The following SLC2A9 variants were observed in gnomAD, a reference collection of about 807,000 sequenced individuals.
The protein encoded by SLC2A9 is solute carrier family 2 member 9.
Under a neutral mutation model 50.6 loss-of-function variants are expected in SLC2A9, and 39 were observed. The observed-to-expected ratio is 0.77, with a 90% CI of 0.60 to 1.01. The LOEUF (loss-of-function observed/expected upper bound fraction) is 1.01. SLC2A9 is among the 50% of genes least tolerant of loss of function. The pLI is 0.00. For missense variants in SLC2A9, 686 were observed against 677.6 expected (o/e 1.01, Z -0.14); for synonymous variants, 324 against 276.9 (o/e 1.17, Z -1.69).
intron 1 of SLC2A9, among the ~76,000 whole-genome samples, chr4:10,039,175 C>T (rs1307125101): frequency 6.6e-6 from 1 of 152,178 alleles, no homozygotes; most frequent in Non-Finnish European, 1.5e-5. Context: ...CTGGAATGTC[C>T]CTTAACAGTT....
At chr4:9,801,107 T>A (rs1026669494) in intron 3 of SLC2A9, among the ~76,000 whole-genome samples, 14 of 151,834 alleles carry the variant, frequency 9.2e-5, no homozygotes, top group African/African-American at 3.4e-4. Context: ...CTCATTTGAA[T>A]GTGGCTTTTG....
At chr4:9,960,488 C>A (rs563656455) in intron 5 of SLC2A9, among the ~76,000 whole-genome samples, 16 of 152,116 alleles carry the variant, frequency 1.1e-4, no homozygotes, top group Non-Finnish European at 1.9e-4. Context: ...TAAGGGTTTA[C>A]AGTGAAGGTG....
chr4:9,955,686 A>G lies in SLC2A9; in HGVS notation c.682-13641T>C, dbSNP rs1343869035. The stretch of plus-strand genomic sequence containing the variant: ...CTCCCTCTGCCTTATGCCCCTCGTC[A>G]AATTTTTTCTTCTGAGGAGGCAAGA... On this transcript the variant is annotated intron_variant, in intron 5 of 11. Coordinates refer to ENST00000264784, the MANE Select transcript of SLC2A9 (RefSeq NM_020041.3). Among the ~76,000 whole-genome samples the G allele has an allele frequency of 3.3e-5, 5 of 151,976 alleles. No individual in the cohort carries two copies. The East Asian group carries it at 9.7e-4, about 30-fold the overall frequency.
At chr4:9,890,485 G>A (rs1008160225) in intron 9 of SLC2A9, 125 bp downstream of exon 9, 8 of 909,022 alleles carry the variant, frequency 8.8e-6, no homozygotes, top group Non-Finnish European at 1.2e-5. Context: ...ATGTCCCCGG[G>A]GAGAGCTTTA....
intron 4 of SLC2A9, among the ~76,000 whole-genome samples, chr4:9,984,092 C>T (rs756982743): frequency 6.6e-6 from 1 of 152,150 alleles, no homozygotes; most frequent in Non-Finnish European, 1.5e-5. Context: ...TCTCAATAGC[C>T]ATCAATAGAA....
intron 2 of SLC2A9, among the ~76,000 whole-genome samples, chr4:10,000,337 T>C (rs534336454): frequency 1.3e-5 from 2 of 152,166 alleles, no homozygotes; most frequent in Non-Finnish European, 2.9e-5. Flanking sequence ...AGATCTTCCA[T>C]CCACTGGAGC....
intron 8 of SLC2A9, among the ~76,000 whole-genome samples, chr4:9,900,275 G>C (rs1166548749): frequency 6.6e-6 from 1 of 152,166 alleles, no homozygotes; most frequent in African/African-American, 2.4e-5. Context: ...GAGTGAAGCT[G>C]GTGGGGCCGG....
At chr4:10,014,097 A>C (rs1310964866) in intron 2 of SLC2A9, among the ~76,000 whole-genome samples, 16 of 152,136 alleles carry the variant, frequency 1.1e-4, no homozygotes, top group Non-Finnish European at 7.4e-5. Context: ...AACCCCTGCC[A>C]GGCTTGGGTC....
In SLC2A9 at chr4:9,806,388, T is replaced by C. The variant is rs75807788; in HGVS notation, n.421-7147A>G. On this transcript the variant is annotated intron_variant and non_coding_transcript_variant, in intron 3 of 3. Coordinates refer to the SLC2A9 transcript ENST00000503280. ...ATAACTAGCCAGCGCCATCCCTTTG[T>C]TTCCCATAAGGAATACTTTTTATTA... Among the ~76,000 whole-genome samples, 888 of 152,362 alleles carry C rather than the reference T, an allele frequency of 5.8e-3. 6 individuals are homozygous for C. Among genetic ancestry groups the C allele is most frequent in the African/African-American group, 0.02 (826 of 41,588 alleles).
At chr4:9,803,897 T>C (rs1721790876) in intron 3 of SLC2A9, among the ~76,000 whole-genome samples, 1 of 152,220 alleles carries the variant, frequency 6.6e-6, no homozygotes, top group Admixed American at 6.5e-5. Flanking sequence ...GATACAATAA[T>C]CACCAAGATA....
downstream of SLC2A9, among the ~76,000 whole-genome samples, chr4:9,777,417 T>A (rs1262580653): frequency 6.6e-6 from 1 of 152,080 alleles, no homozygotes; most frequent in Non-Finnish European, 1.5e-5. Context: ...AGTTTTTCTA[T>A]ACTCATTATA....
chr4:9,888,624 C>T (rs1029886429), intron 9 of SLC2A9, among the ~76,000 whole-genome samples: 1 of 151,720 alleles, frequency 6.6e-6, no homozygotes, highest in Non-Finnish European at 1.5e-5. Flanking sequence ...TAAGAGCCTG[C>T]GTTCATCTCT....
intron 2 of SLC2A9, among the ~76,000 whole-genome samples, chr4:10,012,282 T>C (rs368538025): frequency 6.6e-6 from 1 of 152,194 alleles, no homozygotes; most frequent in East Asian, 1.9e-4. Flanking sequence ...TCTGTGAACA[T>C]GGTGGAGGTG....
intron 3 of SLC2A9, among the ~76,000 whole-genome samples, chr4:9,817,125 A>T (rs1370135836): frequency 6.6e-6 from 1 of 151,604 alleles, no homozygotes; most frequent in East Asian, 1.9e-4. Context: ...TGACTCTGCC[A>T]CCTCCCTTTT....
In SLC2A9 at chr4:9,920,590, C is replaced by A. The variant is rs186962509; in HGVS notation, c.815-18G>T. 2.5e-6 allele frequency: 4 copies of A among 1,613,858 alleles called. No individual in the cohort carries two copies. The highest frequency in any genetic ancestry group is 3.4e-6 in the Non-Finnish European group (4 of 1,180,012). ...TTGGAAGGCTGCAAACAGAGGCACA[C>A]ATGGACTTTCAGCAGGGATTAGAGT... On this transcript the variant is annotated intron_variant, in intron 6 of 11. Coordinates refer to ENST00000264784, the MANE Select transcript of SLC2A9 (RefSeq NM_020041.3).
At chr4:9,966,306 T>C (rs763232802) in intron 5 of SLC2A9, among the ~76,000 whole-genome samples, 2 of 152,246 alleles carry the variant, frequency 1.3e-5, no homozygotes, top group African/African-American at 4.8e-5. Context: ...ATTTGAATAA[T>C]GATTAATGTA....
At chr4:9,801,118 T>G (rs1223136081) in intron 3 of SLC2A9, among the ~76,000 whole-genome samples, 2 of 151,402 alleles carry the variant, frequency 1.3e-5, no homozygotes, top group African/African-American at 4.9e-5. Context: ...GTGGCTTTTG[T>G]TGTCAGGAGG....
intron 8 of SLC2A9, among the ~76,000 whole-genome samples, chr4:9,898,694 T>A (rs55801162): frequency 4.6e-5 from 7 of 152,110 alleles, no homozygotes; most frequent in Admixed American, 3.3e-4. Context: ...CTTGCCTGGC[T>A]TGATGCTTCT....
At chr4:9,797,874 T>C (rs1329153714), downstream of SLC2A9, among the ~76,000 whole-genome samples, 3 of 152,156 alleles carry the variant, frequency 2.0e-5, no homozygotes, top group African/African-American at 4.8e-5. Context: ...ACAACCTTGA[T>C]GTATATATTT....
Sources: allele counts gnomAD v4.1 joint callset (sites outside exome capture counted in the v4.1 genomes callset), GRCh38; gene constraint gnomAD v4.1.1; transcripts MANE v1.5; gene names NCBI Gene and HGNC (gene_info 2026-07-23, HGNC 2026-07-21).